The following KCNJ5 variants were observed in gnomAD, a reference collection of about 807,000 sequenced individuals.
KCNJ5 encodes potassium inwardly rectifying channel subfamily J member 5.
In KCNJ5, 12 loss-of-function variants were observed where a neutral mutation model predicts 20.2. That is an observed-to-expected ratio of 0.59 (90% CI 0.38 to 0.96). KCNJ5 has a LOEUF of 0.96. KCNJ5 is among the 40% of genes least tolerant of loss of function. The pLI, the probability that KCNJ5 is intolerant of heterozygous loss-of-function variation, is 0.00. For synonymous variants in KCNJ5, 210 were observed against 213.9 expected, an observed-to-expected ratio of 0.98 and a Z score of 0.16; for missense variants, 449 against 557.6, an observed-to-expected ratio of 0.81 and a Z score of 1.96.
In KCNJ5 at chr11:128,911,263, G is replaced by A. The variant is rs1327005942; in HGVS notation, c.-10-1G>A. The A allele has an allele frequency of 1.2e-6, 2 of 1,612,816 alleles. No homozygotes were observed. Among genetic ancestry groups the A allele is most frequent in the Non-Finnish European group, 1.7e-6 (2 of 1,179,044 alleles). On this transcript the variant is annotated splice_acceptor_variant, in intron 1 of 2. Transcript: ENST00000529694. LOFTEE classifies it low-confidence loss of function (5UTR_SPLICE). The surrounding 1 kb of genome is among the most constrained non-coding windows in gnomAD (Gnocchi z 6.3). ...ACTGATGGTGTCTTTTTAACTCAAA[G>A]CATCCCAGCTATGGCTGGCGATTCT...
intron 2 of KCNJ5, among the ~76,000 whole-genome samples, chr11:128,915,990 ATGG>A (rs1565554254): frequency 1.2e-3 from 2 of 1,628 alleles, no homozygotes; most frequent in African/African-American, 5.3e-3. Context: ...GGATGATTGG[ATGG>A]ATGGATGGAT....
At position 128,891,471 on chromosome 11, in the gene KCNJ5, G is replaced by A. The variant is rs998043887; in HGVS notation, c.-261G>A. 1 of 152,044 alleles carries A rather than the reference G, an allele frequency of 6.6e-6. No individual in the cohort carries two copies. The highest frequency in any genetic ancestry group is 1.5e-5 in the Non-Finnish European group (1 of 68,728). 9.4% of individuals were successfully genotyped at this position (152,044 alleles called of 1,614,324 possible). On this transcript the variant is annotated 5_prime_UTR_variant, in exon 1 of 3. Transcript: ENST00000529694. ...AGAGAGAGAGAGAGAGAGAGAGAGAGAGAGATTGTTCCAGCTGCTCTCGCT... is the reference window on the plus strand; with the variant it reads ...AGAGAGAGAGAGAGAGAGAGAGAGAAAGAGATTGTTCCAGCTGCTCTCGCT...
At chr11:128,892,648 G>C (rs561497910) in intron 1 of KCNJ5, among the ~76,000 whole-genome samples, 135 of 152,296 alleles carry the variant, frequency 8.9e-4, no homozygotes, top group Non-Finnish European at 1.6e-3. Flanking sequence ...GCCCAGAGAG[G>C]CTGTGCAATT....
chr11:128,902,201 C>T (rs1484818724), intron 1 of KCNJ5: 1 of 329,650 alleles, frequency 3.0e-6, no homozygotes, highest in Non-Finnish European at 5.7e-6. Flanking sequence ...TCGCACACCT[C>T]TGCAGTCCCT....
intron 1 of KCNJ5, among the ~76,000 whole-genome samples, chr11:128,909,253 T>C (rs1170662810): frequency 6.6e-6 from 1 of 152,202 alleles, no homozygotes; most frequent in African/African-American, 2.4e-5. Context: ...ACAGGCCTTT[T>C]TCCAGGTTGT....
chr11:128,912,580 G>A (rs542090651), intron 2 of KCNJ5, among the ~76,000 whole-genome samples: 6 of 152,136 alleles, frequency 3.9e-5, no homozygotes, highest in Non-Finnish European at 7.4e-5. Context: ...GCCCGATCTC[G>A]GCTCACTGCA....
chr11:128,916,374 T>C (rs1944582953), intron 2 of KCNJ5, 35 bp from the exon 3 acceptor site: 4 of 1,449,434 alleles, frequency 2.8e-6, no homozygotes, highest in Non-Finnish European at 3.9e-6. Context: ...GGATGGATGA[T>C]TGCATCATAA....
chr11:128,910,683 TG>T (rs1270554368), intron 1 of KCNJ5, among the ~76,000 whole-genome samples: 2 of 152,214 alleles, frequency 1.3e-5, no homozygotes, highest in East Asian at 1.9e-4. Context: ...AAGTACTTTT[TG>T]AATACATCCA....
In KCNJ5 at chr11:128,911,455, A is replaced by G; in HGVS notation, c.182A>G (p.Asn61Ser). ...QRYMEKSGKC[N>S]VHHGNVQETY... ...TACATGGAGAAGAGTGGCAAGTGCAACGTGCACCACGGCAACGTCCAGGAG... is the reference window on the plus strand; with the variant it reads ...TACATGGAGAAGAGTGGCAAGTGCAGCGTGCACCACGGCAACGTCCAGGAG... Residue 61 changes from asparagine to serine, a missense_variant, in exon 2 of 3, where the codon AAC (asparagine) becomes AGC (serine). Asn to Ser is a conservative substitution (Grantham distance 46). Transcript: ENST00000529694. This position sits in a 1 kb window ranked among gnomAD's most constrained non-coding sequence, Gnocchi z 6.3. 1.2e-6 allele frequency: 2 copies of G among 1,614,220 alleles called. No individual in the cohort carries two copies.
chr11:128,920,272 A>G lies in KCNJ5; in HGVS notation c.*3541A>G, dbSNP rs80303853. 1,508 of 152,752 alleles carry G rather than the reference A, an allele frequency of 9.9e-3. 28 individuals carry two copies. Among genetic ancestry groups the G allele is most frequent in the African/African-American group, 0.034 (1,417 of 41,548 alleles). The allele number at this position is 152,752 out of a possible 1,614,324, so 9.5% of individuals were successfully genotyped here. Reference sequence around the variant, plus strand: ...CCTCCCACCGGCCTCCTGTGTAGTCAGAGAACCCACTGCCCATCGCCTCCT... The same window carrying G: ...CCTCCCACCGGCCTCCTGTGTAGTCGGAGAACCCACTGCCCATCGCCTCCT... On this transcript the variant is annotated 3_prime_UTR_variant, in exon 3 of 3. Coordinates refer to ENST00000529694, the MANE Select transcript of KCNJ5 (RefSeq NM_000890.5).
rs905228127 is a variant in KCNJ5, at chr11:128,918,107, C to T, written c.*1376C>T. The stretch of plus-strand genomic sequence containing the variant: ...CCCAGTTGTGGCCAAGACACTCTGA[C>T]CTCAGGGCTCAGCACCTTCACCATC... On this transcript the variant is annotated 3_prime_UTR_variant, in exon 3 of 3. Transcript: ENST00000529694. The T allele has an allele frequency of 6.6e-6, 1 of 152,300 alleles. No individual in the cohort carries two copies. The highest frequency in any genetic ancestry group is 2.4e-5 in the African/African-American group (1 of 41,404). 9.4% of individuals were successfully genotyped at this position (152,300 alleles called of 1,614,324 possible).
chr11:128,904,468 C>T, intron 1 of KCNJ5: 2 of 1,612,490 alleles, frequency 1.2e-6, no homozygotes, highest in African/African-American at 1.3e-5. Flanking sequence ...TGGGACTAGG[C>T]ATCAGCACGT....
At chr11:128,910,445 C>T (rs74745005) in intron 1 of KCNJ5, among the ~76,000 whole-genome samples, 4,196 of 152,292 alleles carry the variant, frequency 0.028, 125 homozygotes, top group East Asian at 0.09. Context: ...CACACTCAGA[C>T]GGTAGGGGTG....
intron 2 of KCNJ5, 119 bp from the exon 3 acceptor site, chr11:128,916,290 C>CTGGA (rs1261023408): frequency 1.0e-4 from 42 of 401,074 alleles, no homozygotes; most frequent in African/African-American, 8.2e-4. Flanking sequence ...GAACAGATGA[C>CTGGA]TGGATGGATG....
intron 2 of KCNJ5, among the ~76,000 whole-genome samples, chr11:128,912,419 C>T (rs1944518248): frequency 6.6e-6 from 1 of 152,228 alleles, no homozygotes; most frequent in East Asian, 1.9e-4. Flanking sequence ...TCCCAACTTT[C>T]AGGCACTGTC....
intron 1 of KCNJ5, among the ~76,000 whole-genome samples, chr11:128,898,158 G>C (rs1392819963): frequency 6.6e-6 from 1 of 152,084 alleles, no homozygotes; most frequent in Non-Finnish European, 1.5e-5. Flanking sequence ...TTTCACATAA[G>C]TTTTAGAATA....
intron 1 of KCNJ5, among the ~76,000 whole-genome samples, chr11:128,892,008 G>A (rs946688877): frequency 1.3e-5 from 2 of 152,246 alleles, no homozygotes; most frequent in Admixed American, 6.5e-5. Context: ...CCCAGCAGTG[G>A]TTTGAGAGGC....
In KCNJ5 at chr11:128,912,150, C is replaced by T. The variant is rs1371254723; in HGVS notation, c.877C>T (p.Gln293Ter). The T allele has an allele frequency of 3.1e-6, 5 of 1,611,086 alleles. No homozygotes were observed. The highest frequency in any genetic ancestry group is 1.1e-5 in the South Asian group (1 of 91,086). Reference protein sequence around the residue: ...KSPFWEMSQAQLHQEEFEVVV... With the variant: ...KSPFWEMSQA ...CCCTTTCTGGGAGATGTCTCAGGCT[C>T]AGCTGCATCAGGAAGAGTTTGAAGT... Residue 293 changes from glutamine to a stop codon, truncating the protein, a stop_gained, in exon 2 of 3, where the codon CAG becomes TAG. Coordinates refer to ENST00000529694, the MANE Select transcript of KCNJ5 (RefSeq NM_000890.5). LOFTEE classifies it high-confidence loss of function.
At chr11:128,916,368 G>A (rs942680122) in intron 2 of KCNJ5, 41 bp from the exon 3 acceptor site, 1 of 1,408,944 alleles carries the variant, frequency 7.1e-7, no homozygotes, top group Non-Finnish European at 1.0e-6. Context: ...ATAGATGGAT[G>A]GATGATTGCA....
Sources: allele counts gnomAD v4.1 joint callset (sites outside exome capture counted in the v4.1 genomes callset), GRCh38; gene constraint gnomAD v4.1.1; non-coding constraint Gnocchi (gnomAD v3.1); transcripts MANE v1.5; gene names NCBI Gene and HGNC (gene_info 2026-07-23, HGNC 2026-07-21).